The following SV2B variants were observed in gnomAD, a reference collection of about 807,000 sequenced individuals.
SV2B encodes synaptic vesicle glycoprotein 2B.
In SV2B, 41 loss-of-function variants were observed where a neutral mutation model predicts 73.9. The ratio of observed to expected loss-of-function variants is 0.56; its 90% CI spans 0.43 to 0.72. The LOEUF (loss-of-function observed/expected upper bound fraction) is 0.72. Ranked by LOEUF, SV2B falls within the 30% of genes least tolerant of loss-of-function variation. The pLI, the probability that SV2B is intolerant of heterozygous loss-of-function variation, is 0.00. For synonymous variants in SV2B, 314 were observed against 314.2 expected, an observed-to-expected ratio of 1.00 and a Z score of 0.01; for missense variants, 764 against 857.8, an observed-to-expected ratio of 0.89 and a Z score of 1.37.
chr15:91,112,111 G>T (rs560718938), intron 1 of SV2B, among the ~76,000 whole-genome samples: 2 of 100,854 alleles, frequency 2.0e-5, no homozygotes, highest in Non-Finnish European at 2.0e-5. Context: ...GTCTGAGGTG[G>T]TATTGGCTGG....
intron 1 of SV2B, among the ~76,000 whole-genome samples, chr15:91,219,490 T>C (rs766973789): frequency 2.0e-5 from 3 of 151,902 alleles, no homozygotes; most frequent in Non-Finnish European, 2.9e-5. Context: ...TGAAAAAAAA[T>C]CTTTATTTAG....
At chr15:91,213,249 C>A (rs2045925160) in intron 1 of SV2B, among the ~76,000 whole-genome samples, 1 of 152,140 alleles carries the variant, frequency 6.6e-6, no homozygotes, top group Non-Finnish European at 1.5e-5. Context: ...CCCAATAGGA[C>A]CAATAGACTC....
chr15:91,107,897 A>G (rs1199716706), intron 1 of SV2B, among the ~76,000 whole-genome samples: 1 of 152,172 alleles, frequency 6.6e-6, no homozygotes, highest in East Asian at 1.9e-4. Context: ...GGTGTGAGTC[A>G]CCATGCCCAG....
In SV2B at chr15:91,226,335, G is replaced by A. The variant is rs1325664752; in HGVS notation, c.72G>A (p.Glu24=). The part of the protein sequence containing the change: ...APSDGYYRGN[E]SNPEEDAQSD... Reference sequence around the variant, plus strand: ...GTGATGGCTATTACCGCGGCAATGAGTCCAACCCAGAAGAAGATGCACAGA... The same window carrying A: ...GTGATGGCTATTACCGCGGCAATGAATCCAACCCAGAAGAAGATGCACAGA... The change falls in exon 2 of 13, where the codon GAG becomes GAA. Residue 24 remains glutamate, a synonymous_variant. Coordinates refer to ENST00000394232, the MANE Select transcript of SV2B (RefSeq NM_001323032.3). 4.3e-6 allele frequency: 7 copies of A among 1,614,016 alleles called. No homozygotes were observed. Among genetic ancestry groups the A allele is most frequent in the Non-Finnish European group, 5.9e-6 (7 of 1,180,044 alleles).
At position 91,293,430 on chromosome 15, in the gene SV2B, T is replaced by G. The variant is rs1273907993; in HGVS notation, c.*878T>G. The G allele has an allele frequency of 6.6e-6, 1 of 152,224 alleles. No individual in the cohort carries two copies. Among genetic ancestry groups the G allele is most frequent in the Admixed American group, 6.5e-5 (1 of 15,280 alleles). 9.4% of individuals were successfully genotyped at this position (152,224 alleles called of 1,614,324 possible). ...TTAACTTTCTGTTGGGAGGATGAAT[T>G]AACAAACTCACATTGTGCAGTCTGC... On this transcript the variant is annotated 3_prime_UTR_variant, in exon 13 of 13. Coordinates refer to ENST00000394232, the MANE Select transcript of SV2B (RefSeq NM_001323032.3).
rs1035751325 is a variant in SV2B, at chr15:91,283,918, C to G, written c.1508-103C>G. On this transcript the variant is annotated intron_variant, in intron 10 of 12. Coordinates refer to ENST00000394232, the MANE Select transcript of SV2B (RefSeq NM_001323032.3). This position sits in a 1 kb window ranked among gnomAD's most constrained non-coding sequence, Gnocchi z 4.3. The stretch of plus-strand genomic sequence containing the variant: ...AGGCTGTCTGACTGGCAAAGGCTGG[C>G]ACAGCCTGCCTACAGGAGGGGGCAG... The G allele has an allele frequency of 5.1e-6, 6 of 1,185,072 alleles. No individual in the cohort carries two copies. In the African/African-American group the frequency reaches 1.0e-4, roughly 21 times the overall value. 73.4% of individuals were successfully genotyped at this position (1,185,072 alleles called of 1,614,324 possible). A position where few individuals can be genotyped will look rare whatever the true frequency, so the allele number is the denominator to read the frequency against.
At position 91,155,762 on chromosome 15, in the gene SV2B, A is replaced by T. The variant is rs76969196; in HGVS notation, c.-392+55399A>T. 1.6e-3 allele frequency among the ~76,000 whole-genome samples: 251 copies of T among 152,314 alleles called. 2 individuals are homozygous for T. Among genetic ancestry groups the T allele is most frequent in the African/African-American group, 5.7e-3 (237 of 41,564 alleles). On this transcript the variant is annotated intron_variant, in intron 1 of 12. Transcript: ENST00000394232. Reference sequence around the variant, plus strand: ...TTATCTAAAGAGGAAGCTTAAAATAATCTGAGCCATTTGACAAAACTAGAA... The same window carrying T: ...TTATCTAAAGAGGAAGCTTAAAATATTCTGAGCCATTTGACAAAACTAGAA...
rs867645275 is a variant in SV2B, at chr15:91,206,211, T to C, written c.-391-19662T>C. On this transcript the variant is annotated intron_variant, in intron 1 of 12. Coordinates refer to ENST00000394232, the MANE Select transcript of SV2B (RefSeq NM_001323032.3). ...TGCCACCATGCCTGGCTTTTTTTTT[T>C]TTTTTTTTTTTTCAGATACAGGTTC... 4.2e-3 allele frequency among the ~76,000 whole-genome samples: 631 copies of C among 149,962 alleles called. 7 individuals carry two copies. Among genetic ancestry groups the C allele is most frequent in the South Asian group, 0.023 (108 of 4,646 alleles).
intron 1 of SV2B, among the ~76,000 whole-genome samples, chr15:91,153,011 G>A (rs2043361379): frequency 6.6e-6 from 1 of 152,138 alleles, no homozygotes; most frequent in African/African-American, 2.4e-5. Flanking sequence ...CCTAGTTGGT[G>A]CCTTCCAAGA....
At chr15:91,167,760 C>T (rs1436347168) in intron 1 of SV2B, among the ~76,000 whole-genome samples, 1 of 152,168 alleles carries the variant, frequency 6.6e-6, no homozygotes, top group Non-Finnish European at 1.5e-5. Flanking sequence ...GATATCTTTG[C>T]AGGGGTTATT....
In SV2B at chr15:91,239,121, A is replaced by G. The variant is rs1187451337; in HGVS notation, c.451+12407A>G. Among the ~76,000 whole-genome samples, 1 of 152,172 alleles carries G rather than the reference A, an allele frequency of 6.6e-6. No individual in the cohort carries two copies. The highest frequency in any genetic ancestry group is 1.5e-5 in the Non-Finnish European group (1 of 68,036). ...TGTGATAGAAGGTCCTGGAAATGTA[A>G]TAGCCTTTGAAATGCCCCATGGGGT... is the stretch of plus-strand genomic sequence containing the variant. On this transcript the variant is annotated intron_variant, in intron 2 of 12. Transcript: ENST00000394232. The surrounding 1 kb of genome is among the most constrained non-coding windows in gnomAD (Gnocchi z 5.1).
intron 2 of SV2B, among the ~76,000 whole-genome samples, chr15:91,235,199 CA>C (rs2046732238): frequency 6.6e-6 from 1 of 152,134 alleles, no homozygotes; most frequent in Non-Finnish European, 1.5e-5. Flanking sequence ...TAGTAGAAGC[CA>C]TTTGAGTGTT....
chr15:91,153,205 C>T (rs1301735404), intron 1 of SV2B, among the ~76,000 whole-genome samples: 1 of 152,184 alleles, frequency 6.6e-6, no homozygotes, highest in African/African-American at 2.4e-5. Flanking sequence ...TTACTTACTT[C>T]ACCTCCACCT....
chr15:91,153,426 C>T (rs1444376661), intron 1 of SV2B, among the ~76,000 whole-genome samples: 1 of 152,144 alleles, frequency 6.6e-6, no homozygotes, highest in Non-Finnish European at 1.5e-5. Flanking sequence ...CAGGTGCCAC[C>T]ACGTTTTAGG....
rs550559119 is a variant in SV2B, at chr15:91,198,542, G to A, written c.-391-27331G>A. Among the ~76,000 whole-genome samples, 6 of 150,472 alleles carry A rather than the reference G, an allele frequency of 4.0e-5. No homozygotes were observed. In the South Asian group the frequency reaches 1.3e-3, roughly 32 times the overall value. On this transcript the variant is annotated intron_variant, in intron 1 of 12. Transcript: ENST00000394232. ...CTCCTGGAGGCAAATGAGCACATTT[G>A]TTAAAATGGAGTATTACGTTTGTAC...
rs200945374 is a variant in SV2B at position 91,289,554 on chromosome 15, T to G, written c.1742T>G (p.Phe581Cys). The G allele has an allele frequency of 3.5e-5, 57 of 1,614,218 alleles. No individual in the cohort carries two copies. In the Admixed American group the frequency reaches 4.2e-4, roughly 12 times the overall value. ...ATGCTAATCTCTGCAGTCTGCTGCTTCTTCCTGTTTTTTGGCAACAGTGAG... is the reference window on the plus strand; with the variant it reads ...ATGCTAATCTCTGCAGTCTGCTGCTGCTTCCTGTTTTTTGGCAACAGTGAG... ...GSMLISAVCC[F>C]FLFFGNSESA... Residue 581 changes from phenylalanine to cysteine, a missense_variant, in exon 12 of 13, where the codon TTC (phenylalanine) becomes TGC (cysteine). By Grantham distance (205) the Phe-to-Cys change is radical. Coordinates refer to ENST00000394232, the MANE Select transcript of SV2B (RefSeq NM_001323032.3). The surrounding 1 kb of genome is among the most constrained non-coding windows in gnomAD (Gnocchi z 4.9).
chr15:91,225,998 T>A lies in SV2B; in HGVS notation c.-266T>A. 2.1e-6 allele frequency: 1 copy of A among 474,650 alleles called. No homozygotes were observed. 29.4% of individuals were successfully genotyped at this position (474,650 alleles called of 1,614,324 possible). A position where few individuals can be genotyped will look rare whatever the true frequency, so the allele number is the denominator to read the frequency against. On this transcript the variant is annotated 5_prime_UTR_variant, in exon 2 of 13. Transcript: ENST00000394232. ...CACTTCCCAACGCAACACTTCTGAGTCTCTGAAGGAGACCAGAGCTTGAAA... is the reference window on the plus strand; with the variant it reads ...CACTTCCCAACGCAACACTTCTGAGACTCTGAAGGAGACCAGAGCTTGAAA...
chr15:91,247,702 T>C (rs557255000), intron 2 of SV2B, among the ~76,000 whole-genome samples: 15 of 152,280 alleles, frequency 9.9e-5, no homozygotes, highest in Admixed American at 9.8e-4. Context: ...GCAGTCAGGC[T>C]GAAACCTACA....
intron 1 of SV2B, among the ~76,000 whole-genome samples, chr15:91,157,535 T>C (rs1422578543): frequency 6.6e-6 from 1 of 152,194 alleles, no homozygotes; most frequent in Non-Finnish European, 1.5e-5. Context: ...ATGAAACAAA[T>C]GCTTTTGCTG....
Sources: allele counts gnomAD v4.1 joint callset (sites outside exome capture counted in the v4.1 genomes callset), GRCh38; gene constraint gnomAD v4.1.1; non-coding constraint Gnocchi (gnomAD v3.1); transcripts MANE v1.5; gene names NCBI Gene and HGNC (gene_info 2026-07-23, HGNC 2026-07-21).